The following THRB variants were observed in gnomAD, a reference collection of about 807,000 sequenced individuals.
THRB encodes the protein nuclear receptor subfamily 1 group A member 2.
In THRB, 12 loss-of-function variants were observed where a neutral mutation model predicts 47.8. That is an observed-to-expected ratio of 0.25 (90% CI 0.16 to 0.41). The LOEUF (loss-of-function observed/expected upper bound fraction) is 0.41, where lower values mean the gene tolerates loss of function less well. Ranked by LOEUF, THRB falls within the 10% of genes least tolerant of loss-of-function variation. The probability of loss-of-function intolerance (pLI) is 1.00; values close to 1 mark genes in which losing one functional copy is unlikely to be tolerated. For synonymous variants in THRB, 218 were observed against 212.2 expected (o/e 1.03, Z -0.24); for missense variants, 348 against 589.2 (o/e 0.59, Z 4.24).
intron 2 of THRB, among the ~76,000 whole-genome samples, chr3:24,314,254 A>AT (rs1182792809): frequency 3.9e-5 from 6 of 152,166 alleles, no homozygotes; most frequent in Admixed American, 1.3e-4. Context: ...AGCTCAAGGT[A>AT]TTTTTTCTAC....
rs1195934425 is a variant in THRB at position 24,118,740 on chromosome 3, C to T, written c.*4144G>A. 1 of 152,606 alleles carries T rather than the reference C, an allele frequency of 6.6e-6. No homozygotes were observed. Among genetic ancestry groups the T allele is most frequent in the Non-Finnish European group, 1.5e-5 (1 of 68,028 alleles). The allele number at this position is 152,606 out of a possible 1,614,324, so 9.5% of individuals were successfully genotyped here. On this transcript the variant is annotated 3_prime_UTR_variant, in exon 11 of 11. Transcript: ENST00000646209. ...GCTCCATAATTTACATGAGTATTAT[C>T]TGCATCCTGAGGAGGACAGATTTAT...
At chr3:24,489,823 C>T (rs1697870582) in intron 1 of THRB, among the ~76,000 whole-genome samples, 1 of 150,674 alleles carries the variant, frequency 6.6e-6, no homozygotes, top group East Asian at 1.9e-4. Flanking sequence ...TTGGATACTC[C>T]CCCCCACTTG....
At chr3:24,468,174 T>C (rs950083052) in intron 1 of THRB, among the ~76,000 whole-genome samples, 1 of 152,220 alleles carries the variant, frequency 6.6e-6, no homozygotes, top group African/African-American at 2.4e-5. Context: ...CTTACCTCTC[T>C]CAGCCTTCAT....
intron 1 of THRB, chr3:24,459,130 C>T (rs2125628717): frequency 6.6e-6 from 1 of 152,148 alleles, no homozygotes; most frequent in South Asian, 2.1e-4. Flanking sequence ...CCCAACAGGC[C>T]CGGGTGTGTG....
chr3:24,471,742 T>C (rs1210966691), intron 1 of THRB, among the ~76,000 whole-genome samples: 1 of 152,190 alleles, frequency 6.6e-6, no homozygotes, highest in Non-Finnish European at 1.5e-5. Context: ...AAACATCTCA[T>C]GCATATGGTT....
At chr3:24,208,965 G>C (rs1313692928) in intron 4 of THRB, among the ~76,000 whole-genome samples, 4 of 152,140 alleles carry the variant, frequency 2.6e-5, no homozygotes, top group Non-Finnish European at 5.9e-5. Context: ...CTAATATCCA[G>C]AATCTACAAA....
intron 1 of THRB, among the ~76,000 whole-genome samples, chr3:24,449,598 C>A (rs1418498800): frequency 1.3e-5 from 2 of 152,128 alleles, no homozygotes; most frequent in Non-Finnish European, 2.9e-5. Context: ...AACTGAAAGT[C>A]ATGTTAATGG....
intron 3 of THRB, among the ~76,000 whole-genome samples, chr3:24,256,724 A>T (rs1343755737): frequency 6.6e-6 from 1 of 152,160 alleles, no homozygotes; most frequent in Admixed American, 6.5e-5. Flanking sequence ...TGTCAGGACA[A>T]TTAGAGTTAC....
intron 3 of THRB, among the ~76,000 whole-genome samples, chr3:24,254,743 T>A (rs2051070880): frequency 6.6e-6 from 1 of 152,212 alleles, no homozygotes; most frequent in Admixed American, 6.5e-5. Context: ...ATTCTAGGGA[T>A]CCTTGGAATG....
chr3:24,458,637 C>T (rs1178333288), intron 1 of THRB: 1 of 152,144 alleles, frequency 6.6e-6, no homozygotes, highest in African/African-American at 2.4e-5. Flanking sequence ...GATACCCACT[C>T]CCTCCCCTAC....
chr3:24,369,138 A>G (rs1331329373), intron 1 of THRB, among the ~76,000 whole-genome samples: 1 of 152,176 alleles, frequency 6.6e-6, no homozygotes, highest in African/African-American at 2.4e-5. Flanking sequence ...AGAACTCACC[A>G]TAATTCTATA....
In THRB at chr3:24,273,122, T is replaced by G. The variant is rs569465288; in HGVS notation, c.-43+24104A>C. Among the ~76,000 whole-genome samples the G allele has an allele frequency of 2.0e-5, 3 of 152,038 alleles. No individual in the cohort carries two copies. The South Asian group carries it at 6.2e-4, about 32-fold the overall frequency. ...ATAGAAAGAATGTAACAGGTTGCTATGAATTAAACACACACACACACACAC... is the reference window on the plus strand; with the variant it reads ...ATAGAAAGAATGTAACAGGTTGCTAGGAATTAAACACACACACACACACAC... On this transcript the variant is annotated intron_variant, in intron 3 of 10. Coordinates refer to ENST00000646209, the MANE Select transcript of THRB (RefSeq NM_001354712.2).
At chr3:24,428,938 A>C (rs1017131898) in intron 1 of THRB, among the ~76,000 whole-genome samples, 1 of 151,706 alleles carries the variant, frequency 6.6e-6, no homozygotes, top group African/African-American at 2.4e-5. Context: ...CTAGGCTCAG[A>C]TGCATTGGAT....
chr3:24,463,954 G>T (rs79276629), intron 1 of THRB, among the ~76,000 whole-genome samples: 3,554 of 152,306 alleles, frequency 0.023, 74 homozygotes, highest in East Asian at 0.087. Context: ...ACACTCTTAA[G>T]AAATGGTTGC....
Position 24,128,106 on chromosome 3 carries a change from G to A in THRB, c.886-349C>T, listed in dbSNP as rs73825919. ...TCAACTGATAACTGCTTGAGAGCAG[G>A]GTTTATGTTAAACTCTCCATTTTTG... On this transcript the variant is annotated intron_variant, in intron 9 of 10. Transcript: ENST00000646209. Among the ~76,000 whole-genome samples the A allele has an allele frequency of 9.3e-3, 1,416 of 152,150 alleles. 18 individuals carry two copies. The highest frequency in any genetic ancestry group is 0.032 in the African/African-American group (1,319 of 41,486).
chr3:24,287,501 C>T (rs1440881690), intron 3 of THRB, among the ~76,000 whole-genome samples: 3 of 152,086 alleles, frequency 2.0e-5, no homozygotes, highest in East Asian at 1.9e-4. Context: ...TGTATGAGGC[C>T]ACTGTCCTTT....
intron 1 of THRB, among the ~76,000 whole-genome samples, chr3:24,345,018 G>C (rs1483908062): frequency 6.6e-6 from 1 of 152,080 alleles, no homozygotes; most frequent in African/African-American, 2.4e-5. Context: ...TAGTATCCTG[G>C]ATGAAGCCAA....
intron 5 of THRB, among the ~76,000 whole-genome samples, chr3:24,189,365 G>A (rs1413088883): frequency 1.3e-5 from 2 of 152,116 alleles, no homozygotes; most frequent in African/African-American, 4.8e-5. Context: ...TTGATCTCTT[G>A]GACATTGAAA....
chr3:24,407,175 G>T (rs139009902), intron 1 of THRB, among the ~76,000 whole-genome samples: 69 of 151,892 alleles, frequency 4.5e-4, no homozygotes, highest in Middle Eastern at 3.4e-3. Flanking sequence ...GTGTCCTCTA[G>T]CGATGGCATA....
Sources: gnomAD v4.1 joint callset for allele counts (sites outside exome capture counted in the v4.1 genomes callset) on GRCh38, gnomAD v4.1.1 for gene constraint, MANE v1.5 for transcripts, NCBI Gene and HGNC (gene_info 2026-07-23, HGNC 2026-07-21) for gene names.